ST6GALNAC3: variants seen among roughly 807,000 people sequenced by gnomAD.
ST6GALNAC3 encodes the protein alpha-N-acetylgalactosaminide alpha-2,6-sialyltransferase 3.
In ST6GALNAC3, 25 loss-of-function variants were observed where a neutral mutation model predicts 32.7. The observed-to-expected ratio is 0.76, with a 90% CI of 0.56 to 1.07. The LOEUF (loss-of-function observed/expected upper bound fraction) is 1.07, where lower values mean the gene tolerates loss of function less well. Among genes scored for constraint, ST6GALNAC3 ranks in the 50% least tolerant of loss-of-function variants. The pLI is 0.00. For missense variants in ST6GALNAC3, 355 were observed against 382.4 expected (o/e 0.93, Z 0.60); for synonymous variants, 129 against 133.1 (o/e 0.97, Z 0.21).
In ST6GALNAC3 at chr1:76,629,787, A is replaced by G. The variant is rs1250596508; in HGVS notation, c.*981A>G. 6.2e-6 allele frequency: 6 copies of G among 971,748 alleles called. No homozygotes were observed. The highest frequency in any genetic ancestry group is 7.3e-6 in the Non-Finnish European group (6 of 817,388). 60.2% of individuals were successfully genotyped at this position (971,748 alleles called of 1,614,324 possible). A position where few individuals can be genotyped will look rare whatever the true frequency, so the allele number is the denominator to read the frequency against. On this transcript the variant is annotated 3_prime_UTR_variant, in exon 5 of 5. Coordinates refer to ENST00000328299, the MANE Select transcript of ST6GALNAC3 (RefSeq NM_152996.4). ...ATCAATTTGTATCCTATCATACTTCATAATATATATTTGTATATTCAAATT... is the reference window on the plus strand; with the variant it reads ...ATCAATTTGTATCCTATCATACTTCGTAATATATATTTGTATATTCAAATT...
At chr1:76,519,084 A>T (rs1349271839) in intron 3 of ST6GALNAC3, among the ~76,000 whole-genome samples, 1 of 152,102 alleles carries the variant, frequency 6.6e-6, no homozygotes. Context: ...TATTATCAAT[A>T]CTTTTTAGAC....
At position 76,478,907 on chromosome 1, in the gene ST6GALNAC3, T is replaced by C. The variant is rs572592131; in HGVS notation, c.623+66490T>C. On this transcript the variant is annotated intron_variant, in intron 3 of 4. Transcript: ENST00000328299. Reference sequence around the variant, plus strand: ...CCTCCTGAGTAGCTGGGACCACAGGTGCCCGCCACCACGCCCGGCTAATTT... The same window carrying C: ...CCTCCTGAGTAGCTGGGACCACAGGCGCCCGCCACCACGCCCGGCTAATTT... 3.1e-3 allele frequency among the ~76,000 whole-genome samples: 470 copies of C among 151,502 alleles called. 1 individual carries two copies. Among genetic ancestry groups the C allele is most frequent in the East Asian group, 7.3e-3 (37 of 5,092 alleles).
At chr1:76,506,057 G>T (rs1661462004) in intron 3 of ST6GALNAC3, among the ~76,000 whole-genome samples, 1 of 152,074 alleles carries the variant, frequency 6.6e-6, no homozygotes, top group Non-Finnish European at 1.5e-5. Flanking sequence ...ACATGGATAT[G>T]CTAATAAGCT....
At chr1:76,532,323 A>T (rs1663310718) in intron 3 of ST6GALNAC3, among the ~76,000 whole-genome samples, 2 of 152,212 alleles carry the variant, frequency 1.3e-5, no homozygotes, top group Admixed American at 6.5e-5. Context: ...GGTGATTATG[A>T]CAAGTGTATT....
chr1:76,543,327 A>G (rs35846186), intron 3 of ST6GALNAC3, among the ~76,000 whole-genome samples: 3,605 of 152,304 alleles, frequency 0.024, 64 homozygotes, highest in Non-Finnish European at 0.038. Context: ...TCCAAGTGCT[A>G]TAACACAAGC....
chr1:76,602,201 G>A (rs1647266465), intron 3 of ST6GALNAC3, among the ~76,000 whole-genome samples: 1 of 152,172 alleles, frequency 6.6e-6, no homozygotes, highest in Non-Finnish European at 1.5e-5. Flanking sequence ...GAGTTTCAGT[G>A]TGCAAGTCTG....
intron 3 of ST6GALNAC3, among the ~76,000 whole-genome samples, chr1:76,446,889 C>A (rs918200181): frequency 3.3e-5 from 5 of 152,058 alleles, no homozygotes; most frequent in African/African-American, 1.2e-4. Flanking sequence ...TATAAATTAC[C>A]CAGTCTTGGG....
rs954396127 is a variant in ST6GALNAC3 at position 76,174,051 on chromosome 1, G to A, written c.18+99167G>A. On this transcript the variant is annotated intron_variant, in intron 1 of 4. Transcript: ENST00000328299. ...TACATGCACATGTATGTTTCCTACA[G>A]CACTATTTACGATAGCAAAGACATG... 2.0e-5 allele frequency among the ~76,000 whole-genome samples: 3 copies of A among 152,066 alleles called. No individual in the cohort carries two copies. In the East Asian group the frequency reaches 5.8e-4, roughly 29 times the overall value.
At position 76,257,975 on chromosome 1, in the gene ST6GALNAC3, G is replaced by A. The variant is rs568765298; in HGVS notation, c.19-55830G>A. On this transcript the variant is annotated intron_variant, in intron 1 of 4. Transcript: ENST00000328299. ...AGTCCTGCCCACTTGGTTTCCCTCT[G>A]ACTCAGACACTGGTATCCCAGGCCC... Among the ~76,000 whole-genome samples, 6 of 152,250 alleles carry A rather than the reference G, an allele frequency of 3.9e-5. 1 individual carries two copies. In the South Asian group the frequency reaches 1.2e-3, roughly 32 times the overall value.
chr1:76,412,445 G>A, intron 3 of ST6GALNAC3, 28 bp downstream of exon 3: 1 of 1,552,574 alleles, frequency 6.4e-7, no homozygotes, highest in Non-Finnish European at 8.7e-7. Context: ...CAGCTTTATT[G>A]TCTTTTATTA....
chr1:76,185,839 C>A (rs1029433923), intron 1 of ST6GALNAC3, among the ~76,000 whole-genome samples: 1 of 152,156 alleles, frequency 6.6e-6, no homozygotes, highest in African/African-American at 2.4e-5. Context: ...TATGTCTGTA[C>A]TGAATACATA....
At chr1:76,077,102 G>A (rs1646827103) in intron 1 of ST6GALNAC3, among the ~76,000 whole-genome samples, 1 of 152,156 alleles carries the variant, frequency 6.6e-6, no homozygotes, top group Admixed American at 6.5e-5. Flanking sequence ...CAGAATACAG[G>A]TTTCAGTCCA....
At chr1:76,550,672 C>T (rs1664564977) in intron 3 of ST6GALNAC3, among the ~76,000 whole-genome samples, 1 of 152,066 alleles carries the variant, frequency 6.6e-6, no homozygotes, top group Admixed American at 6.6e-5. Context: ...CTTTGTGTAC[C>T]AGTTTCTTTT....
At chr1:76,161,219 T>A (rs11804103) in intron 1 of ST6GALNAC3, among the ~76,000 whole-genome samples, 1,932 of 152,340 alleles carry the variant, frequency 0.013, 48 homozygotes, top group African/African-American at 0.044. Flanking sequence ...GGAGAGGCAA[T>A]GAAATCAATG....
intron 3 of ST6GALNAC3, among the ~76,000 whole-genome samples, chr1:76,541,311 A>G (rs1663976043): frequency 6.6e-6 from 1 of 152,090 alleles, no homozygotes; most frequent in Non-Finnish European, 1.5e-5. Flanking sequence ...GTCAGAGAGA[A>G]CAGTGAAGAG....
At chr1:76,373,649 G>A (rs768824655) in intron 2 of ST6GALNAC3, among the ~76,000 whole-genome samples, 3 of 152,124 alleles carry the variant, frequency 2.0e-5, no homozygotes, top group Non-Finnish European at 4.4e-5. Context: ...TCCTGGTAAT[G>A]AGAAAGGGGA....
At chr1:76,616,098 T>C (rs1306031753) in intron 3 of ST6GALNAC3, among the ~76,000 whole-genome samples, 2 of 152,200 alleles carry the variant, frequency 1.3e-5, no homozygotes, top group African/African-American at 2.4e-5. Flanking sequence ...TTCCAGGTAC[T>C]GATTTACTGT....
intron 2 of ST6GALNAC3, among the ~76,000 whole-genome samples, chr1:76,340,828 C>T (rs1248027084): frequency 6.6e-6 from 1 of 152,016 alleles, no homozygotes; most frequent in Non-Finnish European, 1.5e-5. Flanking sequence ...AGAGCTGGCC[C>T]ATTAACACCT....
At chr1:76,598,119 A>G (rs1647166064) in intron 3 of ST6GALNAC3, among the ~76,000 whole-genome samples, 1 of 152,006 alleles carries the variant, frequency 6.6e-6, no homozygotes, top group African/African-American at 2.4e-5. Context: ...GTGCCCTTCC[A>G]TGGTATAAGG....
Sources: allele counts gnomAD v4.1 joint callset (sites outside exome capture counted in the v4.1 genomes callset), GRCh38; gene constraint gnomAD v4.1.1; transcripts MANE v1.5; gene names NCBI Gene and HGNC (gene_info 2026-07-23, HGNC 2026-07-21).